Variants in FBXL17 observed in about 807,000 individuals in gnomAD.
FBXL17 encodes the protein F-box and leucine rich repeat protein 17.
FBXL17 carries 22 observed loss-of-function variants against 66.2 expected under a neutral mutation model. The observed-to-expected ratio is 0.33, with a 90% CI of 0.24 to 0.47. The LOEUF is 0.47. Among genes scored for constraint, FBXL17 ranks in the 20% least tolerant of loss-of-function variants. The pLI is 1.00. For missense variants in FBXL17, 878 were observed against 948.2 expected, an observed-to-expected ratio of 0.93 and a Z score of 0.97; for synonymous variants, 474 against 400.5, an observed-to-expected ratio of 1.18 and a Z score of -2.19.
intron 7 of FBXL17, among the ~76,000 whole-genome samples, chr5:108,012,064 T>C (rs913102449): frequency 2.6e-5 from 4 of 152,208 alleles, no homozygotes; most frequent in Non-Finnish European, 5.9e-5. Flanking sequence ...ATAATTCTTA[T>C]ATGAAAAGCA....
intron 3 of FBXL17, among the ~76,000 whole-genome samples, chr5:108,361,105 G>A (rs1019702082): frequency 2.6e-5 from 4 of 151,980 alleles, no homozygotes; most frequent in African/African-American, 9.7e-5. Context: ...TCAAGAATGG[G>A]TTCTATTTAT....
At chr5:108,024,380 T>C (rs932645343) in intron 6 of FBXL17, among the ~76,000 whole-genome samples, 2 of 152,110 alleles carry the variant, frequency 1.3e-5, no homozygotes, top group Non-Finnish European at 2.9e-5. Context: ...AATAAAAGAA[T>C]CAAAAGACAT....
At chr5:107,915,435 A>G (rs985748158) in intron 7 of FBXL17, among the ~76,000 whole-genome samples, 5 of 152,178 alleles carry the variant, frequency 3.3e-5, no homozygotes, top group Non-Finnish European at 5.9e-5. Context: ...ACGTTTTCCC[A>G]GACTGGGTAA....
chr5:107,886,245 G>C (rs1389977905), intron 7 of FBXL17, among the ~76,000 whole-genome samples: 1 of 152,148 alleles, frequency 6.6e-6, no homozygotes, highest in African/African-American at 2.4e-5. Flanking sequence ...TGTTTTCATT[G>C]TTAGTGAAAC....
At position 107,881,068 on chromosome 5, in the gene FBXL17, A is replaced by G. The variant is rs1156508252; in HGVS notation, c.1934T>C (p.Leu645Pro). The stretch of plus-strand genomic sequence containing the variant: ...ACATCTCATCAGCCCCAAATATCTC[A>G]GAGACTTGCTGCTCTGTGCAATCAG... ...ATLIAQSSKS[L>P]RYLGLMRCDK... Residue 645 changes from leucine to proline, a missense_variant, in exon 8 of 9, where the codon CTG becomes CCG. Coordinates refer to ENST00000542267, the MANE Select transcript of FBXL17 (RefSeq NM_001163315.3). 6.2e-7 allele frequency: 1 copy of G among 1,613,792 alleles called. No homozygotes were observed. The highest frequency in any genetic ancestry group is 8.5e-7 in the Non-Finnish European group (1 of 1,179,668).
intron 6 of FBXL17, among the ~76,000 whole-genome samples, chr5:108,106,884 G>C (rs372158583): frequency 6.6e-6 from 1 of 152,154 alleles, no homozygotes; most frequent in African/African-American, 2.4e-5. Flanking sequence ...AAACCACTGT[G>C]AATACACTAA....
At chr5:108,278,130 G>A (rs1281089258) in intron 4 of FBXL17, among the ~76,000 whole-genome samples, 2 of 152,164 alleles carry the variant, frequency 1.3e-5, no homozygotes, top group Non-Finnish European at 2.9e-5. Flanking sequence ...GAGGGTAAGT[G>A]AGGGTCCTAT....
At chr5:108,291,026 TA>T (rs1758091152) in intron 4 of FBXL17, among the ~76,000 whole-genome samples, 1 of 152,092 alleles carries the variant, frequency 6.6e-6, no homozygotes, top group Non-Finnish European at 1.5e-5. Context: ...CTAAAATAAT[TA>T]AAGAACAGAT....
At chr5:108,293,939 G>C (rs1201891800) in intron 4 of FBXL17, among the ~76,000 whole-genome samples, 1 of 148,898 alleles carries the variant, frequency 6.7e-6, no homozygotes, top group African/African-American at 2.5e-5. Flanking sequence ...TACTTGGGAG[G>C]CTGAAGCACA....
At chr5:107,965,971 T>C (rs779066028) in intron 7 of FBXL17, among the ~76,000 whole-genome samples, 1 of 152,170 alleles carries the variant, frequency 6.6e-6, no homozygotes, top group East Asian at 1.9e-4. Flanking sequence ...TAAAAGACGA[T>C]ATGATTGAAT....
chr5:108,209,245 T>C (rs1196226044), intron 5 of FBXL17, among the ~76,000 whole-genome samples: 1 of 152,212 alleles, frequency 6.6e-6, no homozygotes, highest in Non-Finnish European at 1.5e-5. Flanking sequence ...TACATAATCA[T>C]GTCATCTTCA....
intron 7 of FBXL17, among the ~76,000 whole-genome samples, chr5:107,963,961 C>A (rs1221248958): frequency 6.6e-6 from 1 of 152,118 alleles, no homozygotes; most frequent in East Asian, 1.9e-4. Flanking sequence ...TTCTGAAGTT[C>A]ATCTTGCTTT....
chr5:108,160,208 A>T (rs1042387686), intron 6 of FBXL17, among the ~76,000 whole-genome samples: 4 of 152,198 alleles, frequency 2.6e-5, no homozygotes, highest in Non-Finnish European at 4.4e-5. Flanking sequence ...GCTTGCAATA[A>T]TCTCTTCTCT....
At chr5:107,992,216 C>T (rs1753279846) in intron 7 of FBXL17, among the ~76,000 whole-genome samples, 1 of 152,054 alleles carries the variant, frequency 6.6e-6, no homozygotes, top group South Asian at 2.1e-4. Context: ...AGAACTGCCT[C>T]TCTTTACAGA....
At chr5:108,299,877 A>G in intron 4 of FBXL17, 1 of 956,744 alleles carries the variant, frequency 1.0e-6, no homozygotes, top group Non-Finnish European at 1.2e-6. Context: ...ATCATTAGAT[A>G]TTTCTTCCCA....
At chr5:108,078,167 T>C (rs1748627259) in intron 6 of FBXL17, among the ~76,000 whole-genome samples, 1 of 152,228 alleles carries the variant, frequency 6.6e-6, no homozygotes. Flanking sequence ...CCATCTGCAA[T>C]GCCACCACAT....
chr5:107,973,351 G>GT (rs1752448169), intron 7 of FBXL17, among the ~76,000 whole-genome samples: 2 of 133,168 alleles, frequency 1.5e-5, no homozygotes, highest in African/African-American at 5.6e-5. Flanking sequence ...ATTTTTTTTT[G>GT]TAATTTTTTT....
intron 1 of FBXL17, among the ~76,000 whole-genome samples, chr5:108,371,661 T>A (rs1041820473): frequency 6.6e-6 from 1 of 151,968 alleles, no homozygotes; most frequent in Non-Finnish European, 1.5e-5. Flanking sequence ...GACAAAGAAC[T>A]AAAGGAAATT....
chr5:108,150,207 C>T (rs1751716207), intron 6 of FBXL17, among the ~76,000 whole-genome samples: 1 of 152,102 alleles, frequency 6.6e-6, no homozygotes, highest in Admixed American at 6.6e-5. Flanking sequence ...CATTATCATA[C>T]CCAAGAAATT....
Sources: allele counts gnomAD v4.1 joint callset (sites outside exome capture counted in the v4.1 genomes callset), GRCh38; gene constraint gnomAD v4.1.1; transcripts MANE v1.5; gene names NCBI Gene and HGNC (gene_info 2026-07-23, HGNC 2026-07-21).